FAM149A: variants seen among roughly 807,000 people sequenced by gnomAD.
The protein encoded by FAM149A is family with sequence similarity 149 member A.
A neutral mutation model predicts 78.2 loss-of-function variants in FAM149A; 71 were observed. That is an observed-to-expected ratio of 0.91 (90% CI 0.75 to 1.11). The LOEUF (loss-of-function observed/expected upper bound fraction) is 1.11. FAM149A is among the 50% of genes least tolerant of loss of function. The pLI is 0.00. For missense variants in FAM149A, 1,036 were observed against 971.0 expected, an observed-to-expected ratio of 1.07 and a Z score of -0.89; for synonymous variants, 446 against 410.5, an observed-to-expected ratio of 1.09 and a Z score of -1.04.
intron 1 of FAM149A, chr4:186,116,548 G>A (rs1275309281): frequency 3.1e-5 from 31 of 984,814 alleles, no homozygotes; most frequent in East Asian, 2.3e-4. Context: ...TGTCTTATGC[G>A]TAGGCTTTTG....
At chr4:186,117,853 A>G (rs983750083) in intron 1 of FAM149A, 9 of 944,064 alleles carry the variant, frequency 9.5e-6, no homozygotes, top group Non-Finnish European at 1.1e-5. Flanking sequence ...GAAAAGAAAG[A>G]TATTGAACTG....
chr4:186,131,969 TC>T, intron 1 of FAM149A: 1 of 985,326 alleles, frequency 1.0e-6, no homozygotes, highest in Non-Finnish European at 1.2e-6. Context: ...GGGAAAAAAT[TC>T]TTTTGTATTT....
intron 13 of FAM149A, among the ~76,000 whole-genome samples, chr4:186,170,338 C>T (rs771332498): frequency 5.9e-5 from 9 of 152,212 alleles, no homozygotes; most frequent in Non-Finnish European, 1.2e-4. Context: ...GGAATAACAC[C>T]TCACTTAAGG....
chr4:186,174,174 A>G lies in FAM149A; in HGVS notation c.*2187A>G, dbSNP rs1735655592. On this transcript the variant is annotated 3_prime_UTR_variant, in exon 14 of 14. Transcript: ENST00000389354. ...GTCGTGGGAGTTTGTTGTACAGATT[A>G]TCACCCAGGTATTAAGCCTAGTATC... Among the ~76,000 whole-genome samples, 2 of 106,442 alleles carry G rather than the reference A, an allele frequency of 1.9e-5. 1 individual carries two copies. Among genetic ancestry groups the G allele is most frequent in the African/African-American group, 5.9e-5 (2 of 33,642 alleles). 69.8% of individuals were successfully genotyped at this position (106,442 alleles called of 152,430 possible).
intron 1 of FAM149A, among the ~76,000 whole-genome samples, chr4:186,147,949 C>A (rs1158805731): frequency 1.3e-5 from 2 of 152,108 alleles, no homozygotes; most frequent in Non-Finnish European, 2.9e-5. Flanking sequence ...TCATATAATT[C>A]TATTATTCTC....
At chr4:186,139,073 A>G (rs985206654) in intron 1 of FAM149A, among the ~76,000 whole-genome samples, 1 of 152,196 alleles carries the variant, frequency 6.6e-6, no homozygotes, top group African/African-American at 2.4e-5. Context: ...TACTTTAGTT[A>G]TAATCCGATA....
At chr4:186,153,185 T>C (rs1220441465) in intron 4 of FAM149A, 5 of 860,588 alleles carry the variant, frequency 5.8e-6, no homozygotes, top group East Asian at 1.2e-4. Context: ...ACATCATTGA[T>C]AGAAATGGAG....
chr4:186,158,857 C>A, intron 8 of FAM149A: 1 of 942,688 alleles, frequency 1.1e-6, no homozygotes. Flanking sequence ...AGCTGTTCTT[C>A]CACAGGCCAC....
rs115717514 is a variant in FAM149A at position 186,125,891 on chromosome 4, G to A, written c.566+20249G>A. 2.9e-3 allele frequency: 2,817 copies of A among 985,346 alleles called. 71 individuals carry two copies. In the African/African-American group the frequency reaches 0.046, roughly 16 times the overall value. The allele number at this position is 985,346 out of a possible 1,614,324, so 61.0% of individuals were successfully genotyped here. On this transcript the variant is annotated intron_variant, in intron 1 of 13. Transcript: ENST00000389354. ...GAGGAGTGGAATCACACGAACGAGT[G>A]TGGCACCCTCTCTGTGTCCTGCAGA...
intron 1 of FAM149A, chr4:186,109,679 A>G: frequency 2.0e-6 from 2 of 983,698 alleles, no homozygotes; most frequent in Non-Finnish European, 2.4e-6. Flanking sequence ...AGTGTTATCT[A>G]TGATTACTAC....
At chr4:186,162,823 T>A in intron 8 of FAM149A, 22 bp from the exon 9 acceptor site, 1 of 924,624 alleles carries the variant, frequency 1.1e-6, no homozygotes, top group Non-Finnish European at 1.6e-6. Flanking sequence ...TTTTTTTTTT[T>A]TTTTTTTTTT....
chr4:186,138,742 A>G (rs2099324567), intron 1 of FAM149A, among the ~76,000 whole-genome samples: 1 of 152,174 alleles, frequency 6.6e-6, no homozygotes, highest in African/African-American at 2.4e-5. Flanking sequence ...AGGCCACAGA[A>G]GGGAAGTGCC....
chr4:186,166,084 G>A (rs1735001434), intron 11 of FAM149A, among the ~76,000 whole-genome samples: 2 of 152,198 alleles, frequency 1.3e-5, no homozygotes, highest in Admixed American at 1.3e-4. Flanking sequence ...CAGGTCTGCG[G>A]GGGGTGTGCT....
intron 8 of FAM149A, among the ~76,000 whole-genome samples, chr4:186,160,348 C>A (rs1238104592): frequency 7.0e-6 from 1 of 142,852 alleles, no homozygotes; most frequent in Non-Finnish European, 1.5e-5. Context: ...ACAAACACAC[C>A]ACACACACAG....
intron 1 of FAM149A, among the ~76,000 whole-genome samples, chr4:186,119,250 C>T (rs374435000): frequency 6.6e-6 from 1 of 152,138 alleles, no homozygotes; most frequent in Non-Finnish European, 1.5e-5. Context: ...ACATGATTTT[C>T]TAGACACCAT....
At chr4:186,163,375 T>C in intron 9 of FAM149A, 49 bp from the exon 10 acceptor site, 2 of 1,498,792 alleles carry the variant, frequency 1.3e-6, no homozygotes, top group Non-Finnish European at 1.9e-6. Flanking sequence ...GTGCGTTCCC[T>C]GTTATCACAG....
chr4:186,146,756 C>T, intron 1 of FAM149A: 3 of 974,772 alleles, frequency 3.1e-6, no homozygotes, highest in African/African-American at 1.8e-5. Flanking sequence ...ACGAGTAAAA[C>T]GTTATCCAAT....
Position 186,104,828 on chromosome 4 carries a change from C to A in FAM149A, c.-249C>A. 1 of 474,556 alleles carries A rather than the reference C, an allele frequency of 2.1e-6. No homozygotes were observed. Among genetic ancestry groups the A allele is most frequent in the Non-Finnish European group, 2.8e-6 (1 of 363,404 alleles). 29.4% of individuals were successfully genotyped at this position (474,556 alleles called of 1,614,324 possible). On this transcript the variant is annotated 5_prime_UTR_variant, in exon 1 of 14. Coordinates refer to ENST00000389354, the MANE Select transcript of FAM149A (RefSeq NM_001367768.3). ...TCCTGGCCCTTCGGCCCTCGGGGGT[C>A]TCACGGCGCTGGGACGAGGCGGGGC...
At chr4:186,161,425 A>C (rs1734598963) in intron 8 of FAM149A, among the ~76,000 whole-genome samples, 1 of 152,326 alleles carries the variant, frequency 6.6e-6, no homozygotes, top group East Asian at 1.9e-4. Flanking sequence ...TTCACTCTCT[A>C]GTGTAAGTCT....
Sources: allele counts gnomAD v4.1 joint callset (sites outside exome capture counted in the v4.1 genomes callset), GRCh38; gene constraint gnomAD v4.1.1; transcripts MANE v1.5; gene names NCBI Gene and HGNC (gene_info 2026-07-23, HGNC 2026-07-21).